The following MOBP variants were observed in gnomAD, a reference collection of about 807,000 sequenced individuals.
The protein encoded by MOBP is myelin associated oligodendrocyte basic protein.
MOBP carries 5 observed loss-of-function variants against 15.0 expected under a neutral mutation model. That is an observed-to-expected ratio of 0.33 (90% CI 0.17 to 0.70). MOBP has a LOEUF of 0.70. Ranked by LOEUF, MOBP falls within the 30% of genes least tolerant of loss-of-function variation. The pLI, the probability that MOBP is intolerant of heterozygous loss-of-function variation, is 0.67. For missense variants in MOBP, 188 were observed against 257.8 expected (o/e 0.73, Z 1.85); for synonymous variants, 88 against 99.0 (o/e 0.89, Z 0.66).
intron 2 of MOBP, among the ~76,000 whole-genome samples, chr3:39,501,715 GA>G (rs1296954845): frequency 6.6e-6 from 1 of 152,060 alleles, no homozygotes; most frequent in East Asian, 1.9e-4. Flanking sequence ...GCTTTTTAGA[GA>G]AAAGGCTTTT....
chr3:39,513,325 A>C, intron 4 of MOBP: 3 of 1,450,354 alleles, frequency 2.1e-6, no homozygotes, highest in African/African-American at 1.4e-5. Context: ...AGAGAAAGAG[A>C]GAGAGTATAC....
intron 1 of MOBP, among the ~76,000 whole-genome samples, chr3:39,477,246 C>T (rs1051027252): frequency 1.3e-5 from 2 of 152,054 alleles, no homozygotes; most frequent in Admixed American, 6.6e-5. Flanking sequence ...TAGTTTCACC[C>T]TGCAGTTGTG....
chr3:39,475,325 G>C (rs940206386), intron 1 of MOBP, among the ~76,000 whole-genome samples: 1 of 152,088 alleles, frequency 6.6e-6, no homozygotes, highest in Non-Finnish European at 1.5e-5. Context: ...TGGCTGAGAT[G>C]ATACTTCCCA....
intron 2 of MOBP, among the ~76,000 whole-genome samples, chr3:39,500,410 T>C (rs1559423474): frequency 6.6e-6 from 1 of 152,012 alleles, no homozygotes; most frequent in Non-Finnish European, 1.5e-5. Flanking sequence ...GTTAAAAAAA[T>C]GAAAGATTTG....
At chr3:39,493,674 G>A (rs1056106563) in intron 2 of MOBP, among the ~76,000 whole-genome samples, 2 of 152,204 alleles carry the variant, frequency 1.3e-5, no homozygotes, top group Non-Finnish European at 2.9e-5. Context: ...AACAGTAAGG[G>A]TAGCACTAAA....
downstream of MOBP, among the ~76,000 whole-genome samples, chr3:39,518,023 A>G (rs754295098): frequency 3.4e-4 from 52 of 152,260 alleles, no homozygotes; most frequent in Non-Finnish European, 5.9e-4. Flanking sequence ...TCAGTTATCT[A>G]TCATAATTTG....
chr3:39,502,981 C>A lies in MOBP; in HGVS notation c.*101C>A. ...CCATGGCCCTCTTCAGCCTTATTAC[C>A]CAACCTGTGTAATCAGCTCCCTCCA... On this transcript the variant is annotated 3_prime_UTR_variant, in exon 4 of 4. Coordinates refer to ENST00000684792, the MANE Select transcript of MOBP (RefSeq NM_001393704.1). The surrounding 1 kb of genome is among the most constrained non-coding windows in gnomAD (Gnocchi z 6.3). 2 of 616,014 alleles carry A rather than the reference C, an allele frequency of 3.2e-6. No homozygotes were observed. The highest frequency in any genetic ancestry group is 5.6e-6 in the Non-Finnish European group (2 of 355,268). 38.2% of individuals were successfully genotyped at this position (616,014 alleles called of 1,614,324 possible).
chr3:39,483,015 A>G lies in MOBP; in HGVS notation c.-5+2892A>G, dbSNP rs554262111. 7.2e-5 allele frequency among the ~76,000 whole-genome samples: 11 copies of G among 152,318 alleles called. No homozygotes were observed. In the South Asian group the frequency reaches 8.3e-4, roughly 11 times the overall value. On this transcript the variant is annotated intron_variant, in intron 2 of 3. Coordinates refer to ENST00000684792, the MANE Select transcript of MOBP (RefSeq NM_001393704.1). ...ATTATCCTAGTTAAGATCCTCAACT[A>G]TATGGACTCATTGCCACCTGTACTT...
At position 39,468,708 on chromosome 3, in the gene MOBP, ATGTGTGTGTATATACATATATACATATG is replaced by A. The variant is rs1559411351; in HGVS notation, c.-89+976_-89+1003del. On this transcript the variant is annotated intron_variant, in intron 1 of 3. Coordinates refer to ENST00000684792, the MANE Select transcript of MOBP (RefSeq NM_001393704.1). The stretch of plus-strand genomic sequence containing the variant: ...TGTGTGTGTATATACATATATACAT[ATGTGTGTGTATATACATATATACATATG>A]TGTGTGTATATATACATATATACAT... 3.6e-5 allele frequency among the ~76,000 whole-genome samples: 5 copies of A among 139,020 alleles called. No individual in the cohort carries two copies. In the East Asian group the frequency reaches 6.0e-4, roughly 17 times the overall value. The allele number at this position is 139,020 out of a possible 152,430, so 91.2% of individuals were successfully genotyped here.
intron 2 of MOBP, among the ~76,000 whole-genome samples, chr3:39,491,434 C>T (rs1037562088): frequency 1.3e-5 from 2 of 152,170 alleles, no homozygotes; most frequent in African/African-American, 4.8e-5. Flanking sequence ...GGAAGAGTGC[C>T]TGACTTACAG....
chr3:39,499,986 C>T lies in MOBP; in HGVS notation c.-4-2080C>T, dbSNP rs565019335. 8.3e-5 allele frequency: 38 copies of T among 455,552 alleles called. No homozygotes were observed. In the Middle Eastern group the frequency reaches 1.3e-3, roughly 16 times the overall value. The allele number at this position is 455,552 out of a possible 1,614,324, so 28.2% of individuals were successfully genotyped here. On this transcript the variant is annotated intron_variant, in intron 2 of 3. Transcript: ENST00000684792. ...CTTCTGTGGACTTTTCATGCCATTG[C>T]ACCAGCACATTCTCATGTTGCAGAG...
chr3:39,473,077 T>C (rs1045903819), intron 1 of MOBP, among the ~76,000 whole-genome samples: 1 of 152,140 alleles, frequency 6.6e-6, no homozygotes, highest in African/African-American at 2.4e-5. Context: ...TTAGATCCCA[T>C]CATGTGTGCT....
chr3:39,500,998 A>G lies in MOBP; in HGVS notation c.-4-1068A>G, dbSNP rs558426240. 2.0e-4 allele frequency among the ~76,000 whole-genome samples: 31 copies of G among 152,360 alleles called. No homozygotes were observed. The South Asian group carries it at 5.8e-3, about 28-fold the overall frequency. ...AGAGGTGCAAAAACAACGTATTTGT[A>G]ACTGCATTCTACCTGCTTCTCAGCT... On this transcript the variant is annotated intron_variant, in intron 2 of 3. Coordinates refer to ENST00000684792, the MANE Select transcript of MOBP (RefSeq NM_001393704.1).
chr3:39,496,955 G>T (rs1383747808), intron 2 of MOBP, among the ~76,000 whole-genome samples: 2 of 152,032 alleles, frequency 1.3e-5, no homozygotes, highest in Admixed American at 6.6e-5. Flanking sequence ...TAGCCACCTC[G>T]CCCGGCCTGG....
downstream of MOBP, among the ~76,000 whole-genome samples, chr3:39,520,556 GTA>G (rs773689503): frequency 0.02 from 2,783 of 137,232 alleles, 61 homozygotes; most frequent in African/African-American, 0.058. Flanking sequence ...GTGTGTGTGT[GTA>G]TGTGTGTGTG....
At chr3:39,490,044 T>C (rs945342776) in intron 2 of MOBP, among the ~76,000 whole-genome samples, 1 of 152,258 alleles carries the variant, frequency 6.6e-6, no homozygotes, top group Non-Finnish European at 1.5e-5. Flanking sequence ...ACTGCTTACA[T>C]TGTATTTGCA....
rs539877016 is a variant in MOBP, at chr3:39,489,800, T to C, written c.-5+9677T>C. Among the ~76,000 whole-genome samples the C allele has an allele frequency of 7.9e-5, 12 of 152,310 alleles. No homozygotes were observed. The East Asian group carries it at 9.6e-4, about 12-fold the overall frequency. ...GCCGACTGCCACATTGACGGTTAAC[T>C]GGCTTCAGCTGGGATGGCTGGCCAC... On this transcript the variant is annotated intron_variant, in intron 2 of 3. Coordinates refer to ENST00000684792, the MANE Select transcript of MOBP (RefSeq NM_001393704.1).
chr3:39,482,417 C>T (rs774305775), intron 2 of MOBP, among the ~76,000 whole-genome samples: 4 of 151,964 alleles, frequency 2.6e-5, no homozygotes, highest in South Asian at 2.1e-4. Context: ...TTTGGGAGGC[C>T]GAGGTGGGCG....
intron 4 of MOBP, among the ~76,000 whole-genome samples, chr3:39,511,060 T>C (rs1413838820): frequency 2.0e-5 from 3 of 152,214 alleles, no homozygotes; most frequent in African/African-American, 4.8e-5. Context: ...GGCACGAGCA[T>C]TCTTTGGATG....
Sources: allele counts gnomAD v4.1 joint callset (sites outside exome capture counted in the v4.1 genomes callset), GRCh38; gene constraint gnomAD v4.1.1; non-coding constraint Gnocchi (gnomAD v3.1); transcripts MANE v1.5; gene names NCBI Gene and HGNC (gene_info 2026-07-23, HGNC 2026-07-21).